The following MAML2 variants were observed in gnomAD, a reference collection of about 807,000 sequenced individuals.
The protein encoded by MAML2 is mastermind-like protein 2.
MAML2 carries 22 observed loss-of-function variants against 96.1 expected under a neutral mutation model. That is an observed-to-expected ratio of 0.23 (90% CI 0.16 to 0.33). MAML2 has a LOEUF of 0.33. Ranked by LOEUF, MAML2 falls within the 10% of genes least tolerant of loss-of-function variation. The pLI is 1.00. For missense variants in MAML2, 1,367 were observed against 1,392.4 expected (o/e 0.98, Z 0.29); for synonymous variants, 561 against 521.3 (o/e 1.08, Z -1.04).
chr11:96,247,501 G>A (rs1862527325), intron 1 of MAML2, among the ~76,000 whole-genome samples: 1 of 152,048 alleles, frequency 6.6e-6, no homozygotes, highest in Admixed American at 6.6e-5. Flanking sequence ...ATGATAGATT[G>A]GCATCTGCTT....
intron 2 of MAML2, among the ~76,000 whole-genome samples, chr11:96,056,439 A>G (rs1484301826): frequency 1.3e-5 from 2 of 151,670 alleles, no homozygotes; most frequent in Non-Finnish European, 2.9e-5. Flanking sequence ...CTTTGACATG[A>G]ATCTCTTTTG....
chr11:96,056,784 C>T (rs927508456), intron 2 of MAML2, among the ~76,000 whole-genome samples: 1 of 152,144 alleles, frequency 6.6e-6, no homozygotes, highest in South Asian at 2.1e-4. Flanking sequence ...TTCTCATTTG[C>T]GTATGTGTAG....
intron 1 of MAML2, among the ~76,000 whole-genome samples, chr11:96,121,780 A>AGTTTTTTTTTTTTTTTTTTTTT (rs1860345914): frequency 2.8e-5 from 1 of 35,238 alleles, no homozygotes; most frequent in Non-Finnish European, 4.9e-5. Flanking sequence ...CAACTGCGTG[A>AGTTTTTTTTTTTTTTTTTTTTT]TTTTTTTTTT....
At chr11:96,187,419 C>T (rs1216433409) in intron 1 of MAML2, among the ~76,000 whole-genome samples, 1 of 152,184 alleles carries the variant, frequency 6.6e-6, no homozygotes, top group Non-Finnish European at 1.5e-5. Flanking sequence ...GAGGTATAAA[C>T]GTAGCTTCAC....
At chr11:96,257,050 C>T (rs1350707622) in intron 1 of MAML2, among the ~76,000 whole-genome samples, 1 of 152,206 alleles carries the variant, frequency 6.6e-6, no homozygotes, top group Non-Finnish European at 1.5e-5. Context: ...CAGTTTCCAG[C>T]AGACCAAAAA....
chr11:96,130,090 A>T (rs1311110516), intron 1 of MAML2, among the ~76,000 whole-genome samples: 1 of 152,228 alleles, frequency 6.6e-6, no homozygotes, highest in East Asian at 1.9e-4. Context: ...TTCCACAGCT[A>T]TGGAGATATA....
chr11:96,019,643 C>T (rs1197714934), intron 2 of MAML2, among the ~76,000 whole-genome samples: 1 of 148,832 alleles, frequency 6.7e-6, no homozygotes, highest in African/African-American at 2.5e-5. Context: ...TTTAAATTCC[C>T]CATTTTAGCC....
intron 1 of MAML2, among the ~76,000 whole-genome samples, chr11:96,277,644 T>C (rs1421713973): frequency 6.8e-6 from 1 of 147,316 alleles, no homozygotes; most frequent in Non-Finnish European, 1.5e-5. Context: ...CCCAGCTATC[T>C]GGGAGGCTGA....
At chr11:96,278,875 CG>C (rs1181290553) in intron 1 of MAML2, among the ~76,000 whole-genome samples, 5 of 152,042 alleles carry the variant, frequency 3.3e-5, no homozygotes, top group Non-Finnish European at 7.4e-5. Flanking sequence ...AGGATAACTG[CG>C]GGGGGTATGT....
intron 2 of MAML2, among the ~76,000 whole-genome samples, chr11:96,022,997 C>T (rs992932325): frequency 6.6e-6 from 1 of 152,150 alleles, no homozygotes; most frequent in Non-Finnish European, 1.5e-5. Flanking sequence ...GCTAAAGATA[C>T]TGTATCTGAA....
intron 1 of MAML2, among the ~76,000 whole-genome samples, chr11:96,132,351 C>A (rs1215523440): frequency 6.6e-6 from 1 of 152,174 alleles, no homozygotes; most frequent in African/African-American, 2.4e-5. Flanking sequence ...ACAAGACAGA[C>A]AATAGTTTGC....
At chr11:96,234,358 G>C (rs1355818294) in intron 1 of MAML2, among the ~76,000 whole-genome samples, 1 of 152,206 alleles carries the variant, frequency 6.6e-6, no homozygotes, top group Non-Finnish European at 1.5e-5. Flanking sequence ...GCACATGCCT[G>C]TAATCCCAGC....
intron 1 of MAML2, among the ~76,000 whole-genome samples, chr11:96,303,081 C>A (rs180790879): frequency 1.6e-4 from 24 of 152,258 alleles, no homozygotes; most frequent in African/African-American, 4.8e-4. Flanking sequence ...TATAAAATGG[C>A]CCTGACAATT....
chr11:96,019,671 CTGATAATAATAATTA>C (rs879684121), intron 2 of MAML2, among the ~76,000 whole-genome samples: 15,202 of 108,306 alleles, frequency 0.14, 1,560 homozygotes, highest in African/African-American at 0.33. Flanking sequence ...CAGCCAAGGG[CTGATAATAATAATTA>C]TAATAATAAT....
intron 1 of MAML2, among the ~76,000 whole-genome samples, chr11:96,120,336 A>G (rs1269201822): frequency 6.6e-6 from 1 of 152,208 alleles, no homozygotes; most frequent in African/African-American, 2.4e-5. Context: ...TCCATGGTCC[A>G]CTGCAGATCT....
intron 2 of MAML2, among the ~76,000 whole-genome samples, chr11:96,033,718 T>A (rs938212537): frequency 1.3e-5 from 2 of 152,176 alleles, no homozygotes; most frequent in Admixed American, 1.3e-4. Flanking sequence ...GGGTCGCGTC[T>A]GGGAAAACCT....
chr11:96,245,211 C>T (rs1862494001), intron 1 of MAML2, among the ~76,000 whole-genome samples: 1 of 135,142 alleles, frequency 7.4e-6, no homozygotes, highest in Non-Finnish European at 1.6e-5. Flanking sequence ...GAACAGTCAT[C>T]CTTCTTTTTT....
chr11:96,331,253 G>A (rs1299410870), intron 1 of MAML2, among the ~76,000 whole-genome samples: 1 of 152,188 alleles, frequency 6.6e-6, no homozygotes, highest in Non-Finnish European at 1.5e-5. Flanking sequence ...CTGGGTGACA[G>A]AGTGAGATCC....
rs538587832 is a variant in MAML2 at position 96,269,748 on chromosome 11, C to T, written c.513+71635G>A. ...CTGACCTCAAACTCCTGACGTCAAG[C>T]GATCTACATGCCTTGGCCTCCCAAA... On this transcript the variant is annotated intron_variant, in intron 1 of 4. Transcript: ENST00000524717. Among the ~76,000 whole-genome samples the T allele has an allele frequency of 6.3e-5, 9 of 143,732 alleles. 1 individual carries two copies. Among genetic ancestry groups the T allele is most frequent in the African/African-American group, 1.6e-4 (6 of 37,382 alleles). The allele number at this position is 143,732 out of a possible 152,430, so 94.3% of individuals were successfully genotyped here.
Sources: gnomAD v4.1 joint callset for allele counts (sites outside exome capture counted in the v4.1 genomes callset) on GRCh38, gnomAD v4.1.1 for gene constraint, MANE v1.5 for transcripts, NCBI Gene and HGNC (gene_info 2026-07-23, HGNC 2026-07-21) for gene names.